ARHGAP6: variants seen among roughly 807,000 people sequenced by gnomAD.
The protein encoded by ARHGAP6 is Rho GTPase activating protein 6, also known as rho GTPase-activating protein 6.
In ARHGAP6, 16 loss-of-function variants were observed where a neutral mutation model predicts 55.7. The ratio of observed to expected loss-of-function variants is 0.29; its 90% CI spans 0.19 to 0.44. The LOEUF (loss-of-function observed/expected upper bound fraction) is 0.44, where lower values mean the gene tolerates loss of function less well. ARHGAP6 is among the 20% of genes least tolerant of loss of function. ARHGAP6 has a pLI of 1.00. For synonymous variants in ARHGAP6, 382 were observed against 360.9 expected, an observed-to-expected ratio of 1.06 and a Z score of -0.66; for missense variants, 698 against 808.9, an observed-to-expected ratio of 0.86 and a Z score of 1.66.
At chrX:11,610,659 G>GTGTAATTTACATATGA (rs1264546226) in intron 1 of ARHGAP6, among the ~76,000 whole-genome samples, 1 of 112,179 alleles carries the variant, frequency 8.9e-6, no homozygotes, top group Non-Finnish European at 1.9e-5. Flanking sequence ...ATTTATGAAG[G>GTGTAATTTACATATGA]TGTAATTTAC....
intron 1 of ARHGAP6, among the ~76,000 whole-genome samples, chrX:11,555,700 T>C (rs1231464014): frequency 4.5e-5 from 5 of 110,785 alleles, no homozygotes; most frequent in Non-Finnish European, 9.5e-5. Context: ...TGAGCCAAGA[T>C]CATGCCACTG....
intron 1 of ARHGAP6, among the ~76,000 whole-genome samples, chrX:11,522,358 T>C (rs2050939165): frequency 9.0e-6 from 1 of 111,009 alleles, no homozygotes; most frequent in Non-Finnish European, 1.9e-5. Context: ...ATTCAAAAGC[T>C]AGCAGAAGGC....
At chrX:11,389,872 T>C (rs1354713334) in intron 1 of ARHGAP6, among the ~76,000 whole-genome samples, 1 of 111,823 alleles carries the variant, frequency 8.9e-6, no homozygotes, top group Admixed American at 9.5e-5. Context: ...GGAAAACTTA[T>C]CATGCATCCC....
At chrX:11,567,007 A>G (rs5935109) in intron 1 of ARHGAP6, among the ~76,000 whole-genome samples, 2,214 of 112,176 alleles carry the variant, frequency 0.02, 31 homozygotes, top group Middle Eastern at 0.06. Context: ...AACAATGCCC[A>G]CATCATCACA....
intron 1 of ARHGAP6, among the ~76,000 whole-genome samples, chrX:11,345,687 T>C (rs1320544473): frequency 1.8e-5 from 2 of 111,988 alleles, no homozygotes; most frequent in Non-Finnish European, 3.8e-5. Context: ...TCAGTTTATA[T>C]TGCCACCTTA....
intron 2 of ARHGAP6, among the ~76,000 whole-genome samples, chrX:11,222,251 G>A (rs2046983297): frequency 8.9e-6 from 1 of 111,767 alleles, no homozygotes; most frequent in Non-Finnish European, 1.9e-5. Flanking sequence ...CTGTAGAGAC[G>A]ATGGAGACAA....
chrX:11,665,002 C>T lies in ARHGAP6; in HGVS notation c.-174G>A. 4.7e-6 allele frequency: 2 copies of T among 422,572 alleles called. No homozygotes were observed. The highest frequency in any genetic ancestry group is 7.8e-6 in the Non-Finnish European group (2 of 256,967). 34.8% of individuals were successfully genotyped at this position (422,572 alleles called of 1,213,427 possible). ...ACGCGCCGCCGGTGCGCTCCAAGTG[C>T]CCCGGCGGCGGCAGGAGCAGCAGAT... is the stretch of plus-strand genomic sequence containing the variant. On this transcript the variant is annotated 5_prime_UTR_variant, in exon 1 of 13. Transcript: ENST00000337414.
At chrX:11,385,952 G>T (rs2049323584) in intron 1 of ARHGAP6, among the ~76,000 whole-genome samples, 1 of 112,572 alleles carries the variant, frequency 8.9e-6, no homozygotes, top group African/African-American at 3.2e-5. Flanking sequence ...TTGTACAAGT[G>T]AACCCACAAG....
At chrX:11,481,079 G>A (rs1452927955) in intron 1 of ARHGAP6, among the ~76,000 whole-genome samples, 1 of 111,365 alleles carries the variant, frequency 9.0e-6, no homozygotes, top group Non-Finnish European at 1.9e-5. Context: ...ACTGCATCTG[G>A]TCTTAAAAAT....
chrX:11,377,233 A>G (rs911067237), intron 1 of ARHGAP6, among the ~76,000 whole-genome samples: 14 of 112,487 alleles, frequency 1.2e-4, no homozygotes, highest in African/African-American at 4.2e-4. Context: ...AATGGATCCC[A>G]AAGTTTTGTG....
At chrX:11,550,052 A>G (rs1340877703) in intron 1 of ARHGAP6, among the ~76,000 whole-genome samples, 5 of 112,171 alleles carry the variant, frequency 4.5e-5, no homozygotes, top group Admixed American at 9.4e-5. Context: ...AATGAGTAAA[A>G]AACATTGGCC....
intron 1 of ARHGAP6, among the ~76,000 whole-genome samples, chrX:11,380,958 A>G (rs2049255699): frequency 8.9e-6 from 1 of 112,707 alleles, no homozygotes; most frequent in South Asian, 3.7e-4. Context: ...ATGAGCTGAA[A>G]TCTGCCCTAA....
At chrX:11,146,978 T>TA (rs3216377) in intron 10 of ARHGAP6, among the ~76,000 whole-genome samples, 14 of 106,870 alleles carry the variant, frequency 1.3e-4, no homozygotes, top group Middle Eastern at 4.9e-3. Flanking sequence ...GCACACCGAT[T>TA]AAAAAAAAAA....
chrX:11,512,117 C>T lies in ARHGAP6; in HGVS notation c.588+152124G>A, dbSNP rs186815446. Among the ~76,000 whole-genome samples, 5 of 111,632 alleles carry T rather than the reference C, an allele frequency of 4.5e-5. No homozygotes were observed. The East Asian group carries it at 1.4e-3, about 32-fold the overall frequency. On this transcript the variant is annotated intron_variant, in intron 1 of 12. Coordinates refer to ENST00000337414, the MANE Select transcript of ARHGAP6 (RefSeq NM_013427.3). ...CTGGGATTACAGGTGTGAGCCACCA[C>T]GCGTTTTCTTTATGCACCATGACAT...
intron 7 of ARHGAP6, 87 bp from the exon 8 acceptor site, chrX:11,178,335 A>C (rs2046263240): frequency 9.9e-7 from 1 of 1,013,502 alleles, no homozygotes; most frequent in South Asian, 2.5e-5. Context: ...AATTGTCTTA[A>C]GAAAGGGATT....
Position 11,138,499 on chromosome X carries a change from G to T in ARHGAP6, c.*364C>A. On this transcript the variant is annotated 3_prime_UTR_variant, in exon 13 of 13. Coordinates refer to ENST00000337414, the MANE Select transcript of ARHGAP6 (RefSeq NM_013427.3). ...TTCTCTTTGTGAATATATCATATAT[G>T]ATTATACATAATCTGTTACAGAATA... The T allele has an allele frequency of 5.3e-6, 1 of 188,406 alleles. No homozygotes were observed. Among genetic ancestry groups the T allele is most frequent in the Non-Finnish European group, 9.6e-6 (1 of 104,145 alleles). 15.5% of individuals were successfully genotyped at this position (188,406 alleles called of 1,213,427 possible).
chrX:11,246,745 G>A lies in ARHGAP6; in HGVS notation c.748+7803C>T, dbSNP rs759073112. Among the ~76,000 whole-genome samples the A allele has an allele frequency of 2.7e-5, 3 of 111,858 alleles. No individual in the cohort carries two copies. In the South Asian group the frequency reaches 1.1e-3, roughly 42 times the overall value. On this transcript the variant is annotated intron_variant, in intron 2 of 12. Transcript: ENST00000337414. ...CTGGGCACAGTGGTCTCATTATTCC[G>A]TGATCATCCCTATTTGGTGGTGTTT...
chrX:11,156,822 T>C lies in ARHGAP6; in HGVS notation c.1810-196A>G, dbSNP rs41311793. On this transcript the variant is annotated intron_variant, in intron 9 of 12. Coordinates refer to ENST00000337414, the MANE Select transcript of ARHGAP6 (RefSeq NM_013427.3). Reference sequence around the variant, plus strand: ...TTAGGACCAACTGGATGATTACCAATAGTCATATTCAATCCAAAATGTCAC... The same window carrying C: ...TTAGGACCAACTGGATGATTACCAACAGTCATATTCAATCCAAAATGTCAC... Among the ~76,000 whole-genome samples the C allele has an allele frequency of 2.3e-3, 255 of 112,489 alleles. 1 individual carries two copies. Among genetic ancestry groups the C allele is most frequent in the Middle Eastern group, 4.6e-3 (1 of 217 alleles).
At chrX:11,406,976 T>A (rs2147759669) in intron 1 of ARHGAP6, among the ~76,000 whole-genome samples, 1 of 111,357 alleles carries the variant, frequency 9.0e-6, no homozygotes, top group African/African-American at 3.3e-5. Flanking sequence ...TCATTTTTTA[T>A]AACTACATTA....
Sources: allele counts gnomAD v4.1 joint callset (sites outside exome capture counted in the v4.1 genomes callset), GRCh38; gene constraint gnomAD v4.1.1; transcripts MANE v1.5; gene names NCBI Gene and HGNC (gene_info 2026-07-23, HGNC 2026-07-21).